The following GSK3B variants were observed in gnomAD, a reference collection of about 807,000 sequenced individuals.
GSK3B encodes the protein glycogen synthase kinase 3 beta, also known as glycogen synthase kinase-3 beta.
GSK3B carries 15 observed loss-of-function variants against 56.4 expected under a neutral mutation model. That is an observed-to-expected ratio of 0.27 (90% confidence interval 0.18 to 0.41). GSK3B has a LOEUF of 0.41. GSK3B is among the 10% of genes least tolerant of loss of function. The probability of loss-of-function intolerance (pLI) is 1.00; values close to 1 mark genes in which losing one functional copy is unlikely to be tolerated. For synonymous variants in GSK3B, 181 were observed against 188.9 expected, an observed-to-expected ratio of 0.96 and a Z score of 0.34; for missense variants, 300 against 513.4, an observed-to-expected ratio of 0.58 and a Z score of 4.02.
intron 2 of GSK3B, among the ~76,000 whole-genome samples, chr3:119,993,173 G>A (rs745818493): frequency 5.3e-5 from 8 of 150,264 alleles, no homozygotes; most frequent in Non-Finnish European, 1.0e-4. Context: ...ATGCACAAAC[G>A]AGCAGGTATG....
chr3:119,951,456 A>G (rs2057156446), intron 2 of GSK3B, among the ~76,000 whole-genome samples: 1 of 152,206 alleles, frequency 6.6e-6, no homozygotes, highest in Non-Finnish European at 1.5e-5. Context: ...CTGTAATCCC[A>G]GATACTCGGG....
intron 6 of GSK3B, among the ~76,000 whole-genome samples, chr3:119,908,867 G>T (rs1047712640): frequency 6.6e-6 from 1 of 152,102 alleles, no homozygotes; most frequent in Admixed American, 6.5e-5. Flanking sequence ...CTGGCCTCTT[G>T]GCAGAAATCA....
rs1269622391 is a variant in GSK3B at position 120,002,228 on chromosome 3, C to T, written c.100G>A (p.Gly34Ser). The T allele has an allele frequency of 6.5e-7, 1 of 1,549,544 alleles. No individual in the cohort carries two copies. Among genetic ancestry groups the T allele is most frequent in the South Asian group, 1.3e-5 (1 of 77,948 alleles). The change falls in exon 2 of 11, where the codon GGC becomes AGC. Residue 34 changes from glycine (G) to serine (S), a missense_variant. Around this residue, in one of 6 missense-constraint regions of GSK3B, gnomAD observed 53 missense variants for 64.6 expected, o/e 0.82. Transcript: ENST00000264235. ...GSMKVSRDKD[G>S]SKVTTVVATP... ...GCCACCACTGTTGTCACCTTGCTGC[C>T]GTCCTTGTCTCCTAAAGGAAGAAAG... is the stretch of plus-strand genomic sequence containing the variant.
intron 1 of GSK3B, among the ~76,000 whole-genome samples, chr3:120,092,987 C>T (rs2058526751): frequency 1.3e-5 from 2 of 152,002 alleles, no homozygotes; most frequent in African/African-American, 2.4e-5. Context: ...GTAATCAAAT[C>T]TTGTCCTTCT....
chr3:120,000,918 C>CTTTTTTTTTTTT lies in GSK3B; in HGVS notation c.282+1116_282+1127dup, dbSNP rs71156781. 2.1e-4 allele frequency among the ~76,000 whole-genome samples: 19 copies of CTTTTTTTTTTTT among 91,048 alleles called. 1 individual carries two copies. Among genetic ancestry groups the CTTTTTTTTTTTT allele is most frequent in the African/African-American group, 8.2e-4 (19 of 23,302 alleles). 59.7% of individuals were successfully genotyped at this position (91,048 alleles called of 152,430 possible). A position where few individuals can be genotyped will look rare whatever the true frequency, so the allele number is the denominator to read the frequency against. On this transcript the variant is annotated intron_variant, in intron 2 of 10. Transcript: ENST00000264235. ...AAACCTCATGTTGAAATGTAATCTCCTTTTTTTTTTTTTTTTTTTTTTTTG... is the reference window on the plus strand; with the variant it reads ...AAACCTCATGTTGAAATGTAATCTCCTTTTTTTTTTTTTTTTTTTTTTTTTTTTTTTTTTTTG...
Position 119,823,840 on chromosome 3 carries a change from G to T in GSK3B, c.*2948C>A. On this transcript the variant is annotated 3_prime_UTR_variant, in exon 11 of 11. Coordinates refer to ENST00000264235, the MANE Select transcript of GSK3B (RefSeq NM_001146156.2). Reference sequence around the variant, plus strand: ...GGGGCAAAGATACTGTTATGAGTGAGTTATTATTTCAAAGGGAAAGGGGGT... The same window carrying T: ...GGGGCAAAGATACTGTTATGAGTGATTTATTATTTCAAAGGGAAAGGGGGT... 1 of 198,504 alleles carries T rather than the reference G, an allele frequency of 5.0e-6. No homozygotes were observed. Among genetic ancestry groups the T allele is most frequent in the Non-Finnish European group, 1.0e-5 (1 of 96,032 alleles). 12.3% of individuals were successfully genotyped at this position (198,504 alleles called of 1,614,324 possible). A position where few individuals can be genotyped will look rare whatever the true frequency, so the allele number is the denominator to read the frequency against.
At chr3:119,887,737 T>C (rs1559823462) in intron 7 of GSK3B, among the ~76,000 whole-genome samples, 1 of 152,014 alleles carries the variant, frequency 6.6e-6, no homozygotes, top group South Asian at 2.1e-4. Flanking sequence ...AAACCATGAT[T>C]ATCCCACAAA....
chr3:119,881,293 CAT>C (rs914086382), intron 7 of GSK3B, among the ~76,000 whole-genome samples: 1 of 152,050 alleles, frequency 6.6e-6, no homozygotes, highest in East Asian at 1.9e-4. Flanking sequence ...AAATAAAAAA[CAT>C]AAGTATATTC....
chr3:119,923,227 G>T, intron 4 of GSK3B, 146 bp downstream of exon 4: 1 of 479,046 alleles, frequency 2.1e-6, no homozygotes, highest in South Asian at 4.1e-5. Context: ...AACTGTAAAA[G>T]GATTTAACAA....
intron 2 of GSK3B, among the ~76,000 whole-genome samples, chr3:119,998,179 A>C (rs1024457850): frequency 2.6e-5 from 4 of 152,202 alleles, no homozygotes; most frequent in Non-Finnish European, 5.9e-5. Context: ...GATGGCCCTA[A>C]ATGATACCTG....
chr3:119,969,173 T>G (rs372372284), intron 2 of GSK3B, among the ~76,000 whole-genome samples: 1 of 151,540 alleles, frequency 6.6e-6, no homozygotes, highest in Admixed American at 6.6e-5. Context: ...ACGCCTGTAA[T>G]CCCAGCTACT....
intron 2 of GSK3B, among the ~76,000 whole-genome samples, chr3:119,970,354 T>C (rs2057354016): frequency 6.6e-6 from 1 of 152,146 alleles, no homozygotes; most frequent in East Asian, 1.9e-4. Flanking sequence ...TTCAACACTA[T>C]TAGTCATTTT....
At chr3:119,986,041 A>C (rs2057512575) in intron 2 of GSK3B, among the ~76,000 whole-genome samples, 1 of 152,150 alleles carries the variant, frequency 6.6e-6, no homozygotes. Flanking sequence ...CACATCTACA[A>C]CCATCTGATC....
At chr3:119,963,625 CAAAAAAAAAAA>C (rs774359104) in intron 2 of GSK3B, among the ~76,000 whole-genome samples, 1 of 79,196 alleles carries the variant, frequency 1.3e-5, no homozygotes, top group Non-Finnish European at 2.6e-5. Flanking sequence ...TTCTTCCCCA[CAAAAAAAAAAA>C]AAAAAAAAGA....
intron 4 of GSK3B, among the ~76,000 whole-genome samples, chr3:119,922,056 G>T (rs1222095437): frequency 6.6e-6 from 1 of 151,956 alleles, no homozygotes; most frequent in African/African-American, 2.4e-5. Flanking sequence ...AGAATCGCTT[G>T]AACCCAGAGG....
At chr3:119,916,937 G>T (rs1200044202) in intron 4 of GSK3B, among the ~76,000 whole-genome samples, 9 of 152,144 alleles carry the variant, frequency 5.9e-5, no homozygotes, top group Admixed American at 5.2e-4. Context: ...TAAAGAATCA[G>T]ACTCTTGACT....
At chr3:119,849,618 G>A (rs1288654193) in intron 9 of GSK3B, among the ~76,000 whole-genome samples, 2 of 152,064 alleles carry the variant, frequency 1.3e-5, no homozygotes, top group Admixed American at 6.6e-5. Flanking sequence ...CTGAATGCCA[G>A]TTGAAGGCCA....
chr3:119,997,281 A>G (rs749842948), intron 2 of GSK3B, among the ~76,000 whole-genome samples: 4 of 152,206 alleles, frequency 2.6e-5, no homozygotes, highest in Non-Finnish European at 5.9e-5. Context: ...TGCCTAAAAC[A>G]AGACATATTT....
chr3:120,066,999 GC>G (rs754980348), intron 1 of GSK3B, among the ~76,000 whole-genome samples: 2 of 151,968 alleles, frequency 1.3e-5, no homozygotes, highest in Non-Finnish European at 2.9e-5. Context: ...ACTAACGATA[GC>G]TGATGAAGAA....
Sources: gnomAD v4.1 joint callset for allele counts (sites outside exome capture counted in the v4.1 genomes callset) on GRCh38, gnomAD v4.1.1 for gene constraint, gnomAD v4.1.1 regional missense constraint, MANE v1.5 for transcripts, NCBI Gene and HGNC (gene_info 2026-07-23, HGNC 2026-07-21) for gene names.